GLP2R: variants seen among roughly 807,000 people sequenced by gnomAD.
GLP2R encodes the protein glucagon-like peptide 2 receptor.
In GLP2R, 59 loss-of-function variants were observed where a neutral mutation model predicts 68.2. The observed-to-expected ratio is 0.87, with a 90% CI of 0.70 to 1.07. GLP2R has a LOEUF of 1.07. Ranked by LOEUF, GLP2R falls within the 50% of genes least tolerant of loss-of-function variation. The probability of loss-of-function intolerance (pLI) is 0.00; values close to 1 mark genes in which losing one functional copy is unlikely to be tolerated. For missense variants in GLP2R, 548 were observed against 677.4 expected (o/e 0.81, Z 2.12); for synonymous variants, 270 against 265.4 (o/e 1.02, Z -0.17).
At chr17:9,867,478 C>A (rs2067050034) in intron 9 of GLP2R, among the ~76,000 whole-genome samples, 1 of 152,194 alleles carries the variant, frequency 6.6e-6, no homozygotes, top group Admixed American at 6.5e-5. Context: ...TCTTGCCAGG[C>A]AGAAATTGTA....
intron 9 of GLP2R, among the ~76,000 whole-genome samples, chr17:9,867,879 C>T (rs1396601867): frequency 6.6e-6 from 1 of 152,182 alleles, no homozygotes; most frequent in Non-Finnish European, 1.5e-5. Context: ...CTTCACTGGC[C>T]TTGTCCCTCT....
intron 11 of GLP2R, among the ~76,000 whole-genome samples, chr17:9,881,148 T>C (rs982708953): frequency 2.0e-5 from 3 of 152,224 alleles, no homozygotes; most frequent in African/African-American, 7.2e-5. Flanking sequence ...GCTTCTGTGA[T>C]GCCTCCTGGG....
intron 9 of GLP2R, among the ~76,000 whole-genome samples, chr17:9,864,095 C>T (rs577576574): frequency 6.6e-4 from 101 of 152,180 alleles, no homozygotes; most frequent in Non-Finnish European, 1.4e-3. Flanking sequence ...CTTGGAATCC[C>T]CTGGGTGTCT....
intron 4 of GLP2R, 119 bp downstream of exon 4, chr17:9,842,735 CG>C: frequency 1.8e-6 from 2 of 1,110,956 alleles, no homozygotes; most frequent in African/African-American, 1.6e-5. Flanking sequence ...CGCCTCTCCC[CG>C]GGGAAGCTAA....
chr17:9,852,445 C>T (rs1278103535), intron 4 of GLP2R, among the ~76,000 whole-genome samples: 5 of 152,058 alleles, frequency 3.3e-5, no homozygotes, highest in Middle Eastern at 3.2e-3. Flanking sequence ...TGTATATGTG[C>T]CACATTTTCT....
At chr17:9,874,232 AG>A (rs2067124220) in intron 10 of GLP2R, among the ~76,000 whole-genome samples, 1 of 152,204 alleles carries the variant, frequency 6.6e-6, no homozygotes, top group Admixed American at 6.5e-5. Flanking sequence ...GATACTGGGG[AG>A]ACCCTCATGG....
At chr17:9,872,775 G>A (rs1206680686) in intron 10 of GLP2R, among the ~76,000 whole-genome samples, 1 of 152,164 alleles carries the variant, frequency 6.6e-6, no homozygotes, top group Non-Finnish European at 1.5e-5. Flanking sequence ...GTGTAAAAAT[G>A]GGAGTGTCAC....
chr17:9,837,996 T>A (rs2066749434), intron 3 of GLP2R, among the ~76,000 whole-genome samples: 1 of 152,212 alleles, frequency 6.6e-6, no homozygotes. Flanking sequence ...AAGATACATT[T>A]CTGGGTGGGA....
intron 2 of GLP2R, 35 bp from the exon 3 acceptor site, chr17:9,836,336 C>T (rs1233797117): frequency 2.2e-6 from 3 of 1,388,718 alleles, no homozygotes; most frequent in Admixed American, 3.4e-5. Context: ...TGTGCTAAAA[C>T]ACTGATGTTT....
intron 9 of GLP2R, among the ~76,000 whole-genome samples, chr17:9,869,548 A>G (rs553143283): frequency 1.3e-5 from 2 of 152,348 alleles, no homozygotes; most frequent in South Asian, 4.1e-4. Flanking sequence ...CCAGGGCCGC[A>G]GCCATCTGAA....
intron 3 of GLP2R, 21 bp downstream of exon 3, chr17:9,836,496 C>A: frequency 1.4e-6 from 2 of 1,431,566 alleles, no homozygotes; most frequent in Non-Finnish European, 2.0e-6. Flanking sequence ...TTATTTTTAC[C>A]AATTTTCCCC....
chr17:9,834,137 G>T (rs1414579260), intron 2 of GLP2R, among the ~76,000 whole-genome samples: 1 of 152,152 alleles, frequency 6.6e-6, no homozygotes, highest in Non-Finnish European at 1.5e-5. Flanking sequence ...CTAAGGGCCT[G>T]CCTGACCAGA....
chr17:9,853,541 C>G (rs1447310384), intron 4 of GLP2R, among the ~76,000 whole-genome samples: 1 of 152,182 alleles, frequency 6.6e-6, no homozygotes, highest in Non-Finnish European at 1.5e-5. Context: ...TGGAACATCA[C>G]TACTGATACT....
intron 10 of GLP2R, among the ~76,000 whole-genome samples, chr17:9,878,091 C>T (rs937047466): frequency 6.6e-6 from 1 of 152,154 alleles, no homozygotes; most frequent in African/African-American, 2.4e-5. Context: ...ACCCAGCCCA[C>T]CCAGAGCAAG....
chr17:9,843,282 T>A (rs1421569273), intron 4 of GLP2R, among the ~76,000 whole-genome samples: 2 of 152,220 alleles, frequency 1.3e-5, no homozygotes, highest in Admixed American at 6.5e-5. Context: ...CACAGCTCTG[T>A]GGCATGCTCA....
rs1327288144 is a variant in GLP2R at position 9,842,190 on chromosome 17, A to T, written c.383-305A>T. Among the ~76,000 whole-genome samples, 9 of 152,196 alleles carry T rather than the reference A, an allele frequency of 5.9e-5. No individual in the cohort carries two copies. In the East Asian group the frequency reaches 1.7e-3, roughly 29 times the overall value. On this transcript the variant is annotated intron_variant, in intron 3 of 12. Coordinates refer to ENST00000262441, the MANE Select transcript of GLP2R (RefSeq NM_004246.3). ...CCCACCTAGCAAGCATCAGGAGCCC[A>T]GATTGGCATCTCCCAGCTGGGCTGA...
At chr17:9,872,840 A>C (rs55954208) in intron 10 of GLP2R, among the ~76,000 whole-genome samples, 31,456 of 152,184 alleles carry the variant, frequency 0.21, 4,284 homozygotes, top group Non-Finnish European at 0.31. Flanking sequence ...AGATATGGTT[A>C]TAAATATGGG....
intron 1 of GLP2R, among the ~76,000 whole-genome samples, chr17:9,828,062 C>T (rs951664992): frequency 4.6e-5 from 7 of 152,096 alleles, no homozygotes; most frequent in African/African-American, 1.4e-4. Context: ...CCTCCAATCC[C>T]CATGTAGGGC....
chr17:9,859,682 G>A (rs572962083), intron 6 of GLP2R, among the ~76,000 whole-genome samples: 308 of 150,416 alleles, frequency 2.0e-3, no homozygotes, highest in African/African-American at 7.1e-3. Flanking sequence ...AGCTAGGTGT[G>A]GTGGCACTTG....
Sources: allele counts gnomAD v4.1 joint callset (sites outside exome capture counted in the v4.1 genomes callset), GRCh38; gene constraint gnomAD v4.1.1; transcripts MANE v1.5; gene names NCBI Gene and HGNC (gene_info 2026-07-23, HGNC 2026-07-21).